The following RPL22L1 variants were observed in gnomAD, a reference collection of about 807,000 sequenced individuals.
RPL22L1 encodes ribosomal protein eL22-like.
Under a neutral mutation model 17.3 loss-of-function variants are expected in RPL22L1, and 19 were observed. The observed-to-expected ratio is 1.10, with a 90% CI of 0.77 to 1.61. RPL22L1 has a LOEUF of 1.61. Among genes scored for constraint, RPL22L1 ranks in the 40% most tolerant of loss-of-function variants. The pLI is 0.00. For missense variants in RPL22L1, 139 were observed against 144.4 expected (o/e 0.96, Z 0.19); for synonymous variants, 48 against 48.5 (o/e 0.99, Z 0.05).
intron 1 of RPL22L1, chr3:170,869,878 C>A (rs946293242): frequency 1.8e-5 from 11 of 598,500 alleles, no homozygotes; most frequent in African/African-American, 3.7e-5. Context: ...ACCACCGGCC[C>A]ATTTACAGTT....
At position 170,865,469 on chromosome 3, in the gene RPL22L1, T is replaced by C. The variant is rs1193941791; in HGVS notation, c.*911A>G. On this transcript the variant is annotated 3_prime_UTR_variant, in exon 4 of 4. Transcript: ENST00000295830. ...TCGGGAGAAAGGGTCCATCCACTTG[T>C]AAGTTTCAATAGACAACCAACACGC... 1.3e-5 allele frequency: 2 copies of C among 152,284 alleles called. No individual in the cohort carries two copies. Among genetic ancestry groups the C allele is most frequent in the South Asian group, 4.1e-4 (2 of 4,820 alleles). The allele number at this position is 152,284 out of a possible 1,614,324, so 9.4% of individuals were successfully genotyped here.
Position 170,868,447 on chromosome 3 carries a change from A to T in RPL22L1, c.10-57T>A, listed in dbSNP as rs139388231. The T allele has an allele frequency of 9.1e-4, 978 of 1,070,480 alleles. 4 individuals carry two copies. Among genetic ancestry groups the T allele is most frequent in the Non-Finnish European group, 1.3e-3 (898 of 709,952 alleles). 66.3% of individuals were successfully genotyped at this position (1,070,480 alleles called of 1,614,324 possible). A position where few individuals can be genotyped will look rare whatever the true frequency, so the allele number is the denominator to read the frequency against. ...ATAAAACAACTTATTCAATTTATATAAACAATTTTAAAGTTTGTACCAATG... is the reference window on the plus strand; with the variant it reads ...ATAAAACAACTTATTCAATTTATATTAACAATTTTAAAGTTTGTACCAATG... On this transcript the variant is annotated intron_variant, in intron 1 of 3. Transcript: ENST00000295830.
In RPL22L1 at chr3:170,865,620, T is replaced by C. The variant is rs992625861; in HGVS notation, c.*760A>G. 9.9e-5 allele frequency: 15 copies of C among 152,196 alleles called. No homozygotes were observed. Among genetic ancestry groups the C allele is most frequent in the African/African-American group, 3.6e-4 (15 of 41,444 alleles). The allele number at this position is 152,196 out of a possible 1,614,324, so 9.4% of individuals were successfully genotyped here. ...CTGTAGCTGAGTTGAGATTTGGTTT[T>C]GAGTTTCTGGTGCCTACAAAGCAGG... is the stretch of plus-strand genomic sequence containing the variant. On this transcript the variant is annotated 3_prime_UTR_variant, in exon 4 of 4. Transcript: ENST00000295830.
intron 1 of RPL22L1, among the ~76,000 whole-genome samples, chr3:170,868,643 T>C (rs1711863010): frequency 6.6e-6 from 1 of 151,780 alleles, no homozygotes; most frequent in African/African-American, 2.4e-5. Flanking sequence ...CAATGATCAA[T>C]TTTAAATTAT....
intron 3 of RPL22L1, among the ~76,000 whole-genome samples, 192 bp downstream of exon 3, chr3:170,867,821 T>G (rs1296772529): frequency 6.6e-6 from 1 of 152,164 alleles, no homozygotes; most frequent in East Asian, 1.9e-4. Context: ...TGGCTCATAT[T>G]CTAGCAATAA....
chr3:170,868,183 A>G (rs1314125440), intron 2 of RPL22L1, 49 bp from the exon 3 acceptor site: 1 of 1,576,816 alleles, frequency 6.3e-7, no homozygotes, highest in East Asian at 2.3e-5. Flanking sequence ...AACCCTAGAT[A>G]TTCACTAGGG....
At position 170,868,102 on chromosome 3, in the gene RPL22L1, A is replaced by G; in HGVS notation, c.135T>C (p.Asn45=). 6.2e-7 allele frequency: 1 copy of G among 1,606,466 alleles called. No homozygotes were observed. The highest frequency in any genetic ancestry group is 1.3e-5 in the African/African-American group (1 of 74,974). Residue 45 remains asparagine (N), a synonymous_variant, in exon 3 of 4, where the codon AAT becomes AAC. Transcript: ENST00000295830. ...CATTCCCGAGATTTCCAGTTTTGCC[A>G]TTGACTTTAACCTTCTCCCGTAGAA... ...EQFLREKVKV[N]GKTGNLGNVV... is the part of the protein sequence containing the mutation.
At chr3:170,867,241 C>T (rs996053794) in intron 3 of RPL22L1, among the ~76,000 whole-genome samples, 4 of 152,210 alleles carry the variant, frequency 2.6e-5, no homozygotes, top group African/African-American at 9.6e-5. Flanking sequence ...CATCCCATGG[C>T]TTTCAAGATC....
In RPL22L1 at chr3:170,869,394, G is replaced by A. The variant is rs147965495; in HGVS notation, c.9+765C>T. Among the ~76,000 whole-genome samples the A allele has an allele frequency of 3.3e-4, 51 of 152,302 alleles. 2 individuals are homozygous for A. The East Asian group carries it at 9.1e-3, about 27-fold the overall frequency. ...AGATAATTACCCAGTTGGCGCAGAA[G>A]TTAATTTGGGAGACACAAACAACTT... On this transcript the variant is annotated intron_variant, in intron 1 of 3. Transcript: ENST00000295830.
intron 1 of RPL22L1, 95 bp downstream of exon 1, chr3:170,870,064 G>T: frequency 2.5e-6 from 4 of 1,569,030 alleles, no homozygotes; most frequent in African/African-American, 2.7e-5. Flanking sequence ...CCTTTATCTT[G>T]ACTGAGACGT....
intron 1 of RPL22L1, among the ~76,000 whole-genome samples, chr3:170,868,818 A>G (rs951301422): frequency 4.1e-5 from 6 of 146,642 alleles, no homozygotes; most frequent in East Asian, 3.9e-4. Context: ...AAAAAAAAAA[A>G]GAAAAGAAAA....
intron 2 of RPL22L1, 76 bp downstream of exon 2, chr3:170,868,222 A>G: frequency 6.8e-7 from 1 of 1,460,644 alleles, no homozygotes; most frequent in Non-Finnish European, 9.6e-7. Flanking sequence ...AGCTTAGGTT[A>G]TTATCAAATA....
rs566545786 is a variant in RPL22L1 at position 170,869,907 on chromosome 3, C to A, written c.9+252G>T. 2.6e-4 allele frequency: 170 copies of A among 652,330 alleles called. 2 individuals are homozygous for A. The highest frequency in any genetic ancestry group is 2.5e-3 in the South Asian group (164 of 66,178). 40.4% of individuals were successfully genotyped at this position (652,330 alleles called of 1,614,324 possible). The stretch of plus-strand genomic sequence containing the variant: ...TACAGTTGTGCCTCCCTCTTTCCCG[C>A]GTGTCCAAAACCACCCATCCTAAAC... On this transcript the variant is annotated intron_variant, in intron 1 of 3. Transcript: ENST00000295830.
rs1406143606 is a variant in RPL22L1, at chr3:170,868,332, G to A, written c.68C>T (p.Pro23Leu). 1.9e-6 allele frequency: 3 copies of A among 1,610,424 alleles called. No individual in the cohort carries two copies. Among genetic ancestry groups the A allele is most frequent in the Non-Finnish European group, 1.7e-6 (2 of 1,178,220 alleles). ...TWRFNLDLTH[P>L]VEDGIFDSGN... is the part of the protein sequence containing the mutation. The stretch of plus-strand genomic sequence containing the variant: ...AGAATCAAAAATTCCATCTTCTACT[G>A]GATGAGTAAGGTCCAAATTAAACCT... Residue 23 changes from proline to leucine, a missense_variant, in exon 2 of 4, where the codon CCA becomes CTA. Physicochemically the swap from Pro to Leu is moderately conservative, Grantham distance 98. Transcript: ENST00000295830.
intron 1 of RPL22L1, among the ~76,000 whole-genome samples, chr3:170,869,689 A>G (rs1251003991): frequency 6.6e-6 from 1 of 151,956 alleles, no homozygotes; most frequent in East Asian, 1.9e-4. Context: ...TTCTTCCCCA[A>G]CTGAAAGTTC....
In RPL22L1 at chr3:170,866,266, C is replaced by A; in HGVS notation, c.*114G>T. The A allele has an allele frequency of 1.2e-6, 1 of 835,620 alleles. No homozygotes were observed. The highest frequency in any genetic ancestry group is 3.2e-5 in the Admixed American group (1 of 31,302). The allele number at this position is 835,620 out of a possible 1,614,324, so 51.8% of individuals were successfully genotyped here. A position where few individuals can be genotyped will look rare whatever the true frequency, so the allele number is the denominator to read the frequency against. ...TACTCAAAAAAATGAGACAAAAGTT[C>A]AAGAGTATAATATTTTTTATTCACT... On this transcript the variant is annotated 3_prime_UTR_variant, in exon 4 of 4. Coordinates refer to ENST00000295830, the MANE Select transcript of RPL22L1 (RefSeq NM_001099645.2).
At chr3:170,867,333 T>C (rs1429033036) in intron 3 of RPL22L1, among the ~76,000 whole-genome samples, 1 of 152,222 alleles carries the variant, frequency 6.6e-6, no homozygotes, top group African/African-American at 2.4e-5. Flanking sequence ...ACTATTACTT[T>C]AATCTGCCAG....
At chr3:170,867,081 G>A (rs1434963973) in intron 3 of RPL22L1, among the ~76,000 whole-genome samples, 1 of 151,372 alleles carries the variant, frequency 6.6e-6, no homozygotes, top group African/African-American at 2.4e-5. Context: ...TGAATCCTTA[G>A]TGATTATAAT....
chr3:170,865,601 CTGAGT>C lies in RPL22L1; in HGVS notation c.*774_*778del, dbSNP rs1033204517. On this transcript the variant is annotated 3_prime_UTR_variant, in exon 4 of 4. Coordinates refer to ENST00000295830, the MANE Select transcript of RPL22L1 (RefSeq NM_001099645.2). Reference sequence around the variant, plus strand: ...ACAAGGACCACAGTAGATTCTGTAGCTGAGTTGAGATTTGGTTTTGAGTTTCTGGT... The same window carrying C: ...ACAAGGACCACAGTAGATTCTGTAGCTGAGATTTGGTTTTGAGTTTCTGGT... The C allele has an allele frequency of 1.1e-4, 16 of 152,146 alleles. No individual in the cohort carries two copies. Among genetic ancestry groups the C allele is most frequent in the African/African-American group, 3.6e-4 (15 of 41,420 alleles). The allele number at this position is 152,146 out of a possible 1,614,324, so 9.4% of individuals were successfully genotyped here. A position where few individuals can be genotyped will look rare whatever the true frequency, so the allele number is the denominator to read the frequency against.
Sources: allele counts gnomAD v4.1 joint callset (sites outside exome capture counted in the v4.1 genomes callset), GRCh38; gene constraint gnomAD v4.1.1; transcripts MANE v1.5; gene names NCBI Gene and HGNC (gene_info 2026-07-23, HGNC 2026-07-21).